The following DPYD variants were observed in gnomAD, a reference collection of about 807,000 sequenced individuals.
DPYD encodes the protein dihydropyrimidine dehydrogenase [NADP(+)].
DPYD carries 109 observed loss-of-function variants against 116.2 expected under a neutral mutation model. The observed-to-expected ratio is 0.94, with a 90% CI of 0.80 to 1.10. The LOEUF (loss-of-function observed/expected upper bound fraction) is 1.10, where lower values mean the gene tolerates loss of function less well. DPYD is among the 50% of genes least tolerant of loss of function. The pLI, the probability that DPYD is intolerant of heterozygous loss-of-function variation, is 0.00. For synonymous variants in DPYD, 440 were observed against 432.0 expected (o/e 1.02, Z -0.23); for missense variants, 1,302 against 1,254.5 (o/e 1.04, Z -0.57).
chr1:97,337,153 T>G (rs1669334258), intron 16 of DPYD, among the ~76,000 whole-genome samples: 2 of 152,114 alleles, frequency 1.3e-5, no homozygotes, highest in South Asian at 4.1e-4. Flanking sequence ...ATTTTTATCA[T>G]GCATGTAGGA....
chr1:97,387,608 C>T (rs1672426331), intron 14 of DPYD, among the ~76,000 whole-genome samples: 1 of 151,978 alleles, frequency 6.6e-6, no homozygotes, highest in African/African-American at 2.4e-5. Flanking sequence ...TACATAAATG[C>T]ATGTCAGACA....
At chr1:97,156,420 GA>G (rs1368876429) in intron 20 of DPYD, among the ~76,000 whole-genome samples, 2 of 151,668 alleles carry the variant, frequency 1.3e-5, no homozygotes, top group African/African-American at 4.8e-5. Flanking sequence ...AAATTTACAA[GA>G]AAAAAACAAA....
At chr1:97,744,617 C>T (rs759323749) in intron 3 of DPYD, among the ~76,000 whole-genome samples, 1 of 151,990 alleles carries the variant, frequency 6.6e-6, no homozygotes, top group Non-Finnish European at 1.5e-5. Flanking sequence ...AAAGTATTCA[C>T]ATTAAAAATT....
chr1:97,216,513 G>T (rs891237759), intron 19 of DPYD, among the ~76,000 whole-genome samples: 9 of 152,198 alleles, frequency 5.9e-5, no homozygotes, highest in African/African-American at 2.2e-4. Flanking sequence ...TGTGAGAGAA[G>T]CGGGGCACAG....
intron 3 of DPYD, among the ~76,000 whole-genome samples, chr1:97,776,833 A>T (rs984144276): frequency 8.5e-5 from 13 of 152,152 alleles, no homozygotes; most frequent in Non-Finnish European, 1.5e-4. Context: ...TTTCTTATGG[A>T]AATTCTTTTT....
chr1:97,109,520 G>C (rs12129287), intron 20 of DPYD, among the ~76,000 whole-genome samples: 50,043 of 151,968 alleles, frequency 0.33, 8,694 homozygotes, highest in Middle Eastern at 0.45. Context: ...AGAAAAATGA[G>C]GTGATGAGGA....
At chr1:97,474,583 T>C (rs558311112) in intron 13 of DPYD, among the ~76,000 whole-genome samples, 1 of 152,040 alleles carries the variant, frequency 6.6e-6, no homozygotes, top group Admixed American at 6.5e-5. Context: ...ATAATTCATT[T>C]AATAACAACT....
In DPYD at chr1:97,350,669, C is replaced by T. The variant is rs371655753; in HGVS notation, c.2058+22892G>A. On this transcript the variant is annotated intron_variant, in intron 16 of 22. Coordinates refer to ENST00000370192, the MANE Select transcript of DPYD (RefSeq NM_000110.4). Reference sequence around the variant, plus strand: ...AACAGAGTTTCAATTATTAATAATGCTGTGAGTCACAAAATCAGAAAAAAT... The same window carrying T: ...AACAGAGTTTCAATTATTAATAATGTTGTGAGTCACAAAATCAGAAAAAAT... 3.3e-5 allele frequency among the ~76,000 whole-genome samples: 5 copies of T among 152,128 alleles called. No homozygotes were observed. The East Asian group carries it at 5.8e-4, about 18-fold the overall frequency.
intron 5 of DPYD, among the ~76,000 whole-genome samples, chr1:97,709,257 TTCAGTG>T: frequency 6.6e-6 from 1 of 152,032 alleles, no homozygotes. Flanking sequence ...ATTCCTGGCC[TTCAGTG>T]ATATGCTTAA....
intron 20 of DPYD, among the ~76,000 whole-genome samples, chr1:97,178,409 A>G (rs1208495407): frequency 1.3e-5 from 2 of 152,180 alleles, no homozygotes; most frequent in African/African-American, 4.8e-5. Flanking sequence ...GAAACTTACA[A>G]TCGTGGCAAA....
intron 14 of DPYD, among the ~76,000 whole-genome samples, chr1:97,429,411 T>C (rs1395331115): frequency 1.3e-5 from 2 of 152,228 alleles, no homozygotes; most frequent in East Asian, 3.9e-4. Flanking sequence ...CATACATTCA[T>C]CTGCCTTAAT....
chr1:97,792,050 T>TTCTAAG (rs144735468), intron 3 of DPYD, among the ~76,000 whole-genome samples: 4,471 of 152,304 alleles, frequency 0.029, 206 homozygotes, highest in African/African-American at 0.098. Context: ...TTCTTAATTG[T>TTCTAAG]TCTAAGAGAA....
At chr1:97,530,580 G>A (rs1649545057) in intron 12 of DPYD, among the ~76,000 whole-genome samples, 1 of 152,212 alleles carries the variant, frequency 6.6e-6, no homozygotes, top group African/African-American at 2.4e-5. Flanking sequence ...TAATGTTGCA[G>A]TGAACATGTG....
intron 16 of DPYD, among the ~76,000 whole-genome samples, chr1:97,372,582 AC>A (rs780681308): frequency 3.8e-4 from 58 of 152,322 alleles, no homozygotes; most frequent in South Asian, 2.1e-3. Flanking sequence ...TCCTTAAGTC[AC>A]AAATCTATTC....
At chr1:97,908,018 G>A (rs938147303) in intron 1 of DPYD, among the ~76,000 whole-genome samples, 3 of 151,912 alleles carry the variant, frequency 2.0e-5, no homozygotes, top group Admixed American at 6.6e-5. Flanking sequence ...ATCACTGTCT[G>A]CATAGTCATA....
At chr1:97,733,259 T>C (rs887072638) in intron 4 of DPYD, among the ~76,000 whole-genome samples, 5 of 152,120 alleles carry the variant, frequency 3.3e-5, no homozygotes, top group African/African-American at 1.2e-4. Context: ...CTTTACTTTA[T>C]TTAATTTTAC....
At chr1:97,563,195 A>G (rs938945476) in intron 11 of DPYD, among the ~76,000 whole-genome samples, 1 of 152,202 alleles carries the variant, frequency 6.6e-6, no homozygotes, top group Non-Finnish European at 1.5e-5. Flanking sequence ...GTTTAATTAA[A>G]TCTTACATCT....
At chr1:97,282,257 T>C (rs1665375401) in intron 18 of DPYD, among the ~76,000 whole-genome samples, 1 of 152,148 alleles carries the variant, frequency 6.6e-6, no homozygotes. Context: ...TGTTGTCTTA[T>C]GAACACTGTT....
intron 18 of DPYD, among the ~76,000 whole-genome samples, chr1:97,277,797 A>G (rs1665045754): frequency 6.6e-6 from 1 of 152,304 alleles, no homozygotes; most frequent in South Asian, 2.1e-4. Context: ...CATGGTGCCC[A>G]TTTATTTAGA....
Sources: allele counts gnomAD v4.1 joint callset (sites outside exome capture counted in the v4.1 genomes callset), GRCh38; gene constraint gnomAD v4.1.1; transcripts MANE v1.5; gene names NCBI Gene and HGNC (gene_info 2026-07-23, HGNC 2026-07-21).